MAGI1: variants seen among roughly 807,000 people sequenced by gnomAD.
The protein encoded by MAGI1 is membrane associated guanylate kinase, WW and PDZ domain containing 1, also known as membrane-associated guanylate kinase, WW and PDZ domain-containing protein 1.
In MAGI1, 58 loss-of-function variants were observed where a neutral mutation model predicts 139.9. That is an observed-to-expected ratio of 0.41 (90% CI 0.34 to 0.52). The LOEUF is 0.52. Among genes scored for constraint, MAGI1 ranks in the 20% least tolerant of loss-of-function variants. MAGI1 has a pLI of 0.12. For missense variants in MAGI1, 1,874 were observed against 1,901.6 expected, an observed-to-expected ratio of 0.99 and a Z score of 0.27; for synonymous variants, 812 against 737.9, an observed-to-expected ratio of 1.10 and a Z score of -1.63.
At position 65,354,766 on chromosome 3, in the gene MAGI1, T is replaced by C. The variant is rs1193052604; in HGVS notation, c.*1612A>G. The C allele has an allele frequency of 6.6e-6, 1 of 152,650 alleles. No homozygotes were observed. Among genetic ancestry groups the C allele is most frequent in the East Asian group, 1.9e-4 (1 of 5,198 alleles). The allele number at this position is 152,650 out of a possible 1,614,324, so 9.5% of individuals were successfully genotyped here. A position where few individuals can be genotyped will look rare whatever the true frequency, so the allele number is the denominator to read the frequency against. ...GTATCACATTCCTCACAGCTAAATT[T>C]TGTCATAAATTCTCTTTTATACAAG... On this transcript the variant is annotated 3_prime_UTR_variant, in exon 23 of 23. Coordinates refer to ENST00000402939, the MANE Select transcript of MAGI1 (RefSeq NM_001033057.2).
chr3:65,474,760 T>C (rs1950770758), intron 4 of MAGI1, among the ~76,000 whole-genome samples: 1 of 152,148 alleles, frequency 6.6e-6, no homozygotes, highest in Non-Finnish European at 1.5e-5. Context: ...TCCCACTGTG[T>C]ACAACCAATC....
At chr3:65,701,149 T>C (rs1305530099) in intron 1 of MAGI1, among the ~76,000 whole-genome samples, 1 of 152,098 alleles carries the variant, frequency 6.6e-6, no homozygotes, top group Admixed American at 6.6e-5. Context: ...ATTTTCACAA[T>C]AGCTCTGTAA....
chr3:66,027,272 AT>A (rs1306187375), intron 1 of MAGI1, among the ~76,000 whole-genome samples: 5 of 26,794 alleles, frequency 1.9e-4, no homozygotes, highest in South Asian at 9.6e-4. Context: ...TCTCAAATAA[AT>A]AAATAAATAA....
At chr3:65,872,754 C>A (rs1040622437) in intron 1 of MAGI1, 3 of 152,174 alleles carry the variant, frequency 2.0e-5, no homozygotes, top group Non-Finnish European at 4.4e-5. Context: ...TACTGACACA[C>A]ACAACACAAG....
chr3:65,623,501 C>T (rs550237180), intron 1 of MAGI1, among the ~76,000 whole-genome samples: 1 of 152,306 alleles, frequency 6.6e-6, no homozygotes, highest in South Asian at 2.1e-4. Context: ...GCTTCAATGA[C>T]AGCTAAAAAT....
At chr3:65,734,584 A>AGAGG (rs891163708) in intron 1 of MAGI1, among the ~76,000 whole-genome samples, 1 of 151,102 alleles carries the variant, frequency 6.6e-6, no homozygotes, top group Non-Finnish European at 1.5e-5. Context: ...AGAGAGAGAG[A>AGAGG]GAGGGAGAGA....
At chr3:66,001,864 C>A (rs145606064) in intron 1 of MAGI1, among the ~76,000 whole-genome samples, 25 of 152,150 alleles carry the variant, frequency 1.6e-4, no homozygotes, top group African/African-American at 5.5e-4. Flanking sequence ...TAGAAAAACA[C>A]GGAAGCTGAA....
chr3:65,444,954 A>C (rs761219711), intron 7 of MAGI1, among the ~76,000 whole-genome samples: 4 of 152,238 alleles, frequency 2.6e-5, no homozygotes, highest in Non-Finnish European at 5.9e-5. Flanking sequence ...ATCGATTTTA[A>C]ATAGGAAGAT....
At chr3:65,596,167 T>C (rs1188301560) in intron 2 of MAGI1, among the ~76,000 whole-genome samples, 2 of 152,208 alleles carry the variant, frequency 1.3e-5, no homozygotes, top group South Asian at 2.1e-4. Context: ...TTATAGATGA[T>C]AAAAGACAAG....
In MAGI1 at chr3:65,589,615, G is replaced by A. The variant is rs117650158; in HGVS notation, c.430+32357C>T. On this transcript the variant is annotated intron_variant, in intron 2 of 22. Transcript: ENST00000402939. Reference sequence around the variant, plus strand: ...GGGTTGGGAAATTTTTTCTGTCAAGGGTCAGATAATAAATAGAAAATAGGC... The same window carrying A: ...GGGTTGGGAAATTTTTTCTGTCAAGAGTCAGATAATAAATAGAAAATAGGC... Among the ~76,000 whole-genome samples the A allele has an allele frequency of 1.4e-4, 22 of 151,814 alleles. No homozygotes were observed. In the East Asian group the frequency reaches 4.3e-3, roughly 29 times the overall value.
intron 12 of MAGI1, among the ~76,000 whole-genome samples, chr3:65,407,192 A>G (rs1242654500): frequency 6.6e-6 from 1 of 152,186 alleles, no homozygotes; most frequent in Non-Finnish European, 1.5e-5. Flanking sequence ...CATTCCTGTA[A>G]TCCCAGCACT....
intron 1 of MAGI1, among the ~76,000 whole-genome samples, chr3:66,022,011 T>A (rs1242501057): frequency 6.6e-6 from 1 of 152,094 alleles, no homozygotes; most frequent in Non-Finnish European, 1.5e-5. Context: ...GACTGCAAAT[T>A]TCCCCCGCAG....
intron 1 of MAGI1, among the ~76,000 whole-genome samples, chr3:65,900,792 T>C (rs1232283931): frequency 6.6e-6 from 1 of 152,210 alleles, no homozygotes. Flanking sequence ...GGTGCAGACA[T>C]CTGACCTATT....
chr3:65,737,355 G>A (rs1274087958), intron 1 of MAGI1, among the ~76,000 whole-genome samples: 1 of 152,180 alleles, frequency 6.6e-6, no homozygotes, highest in East Asian at 1.9e-4. Context: ...ACGGACGGGT[G>A]GATGGATGGA....
At chr3:65,772,244 A>C (rs1163542209) in intron 1 of MAGI1, among the ~76,000 whole-genome samples, 2 of 152,188 alleles carry the variant, frequency 1.3e-5, no homozygotes, top group African/African-American at 4.8e-5. Flanking sequence ...TATTAGGCCC[A>C]ATCCCTTCCT....
rs779588733 is a variant in MAGI1 at position 65,627,485 on chromosome 3, C to CTTTTTTTTTTTTTTT, written c.314-5412_314-5398dup. On this transcript the variant is annotated intron_variant, in intron 1 of 22. Transcript: ENST00000402939. ...TTGCCGTTATTTTATATTTCTGTAT[C>CTTTTTTTTTTTTTTT]TTTTTTTTTTTTTTTTTTTTTTTTT... Among the ~76,000 whole-genome samples, 5 of 28,354 alleles carry CTTTTTTTTTTTTTTT rather than the reference C, an allele frequency of 1.8e-4. 1 individual carries two copies. The highest frequency in any genetic ancestry group is 2.8e-4 in the Non-Finnish European group (4 of 14,350). 18.6% of individuals were successfully genotyped at this position (28,354 alleles called of 152,430 possible). A position where few individuals can be genotyped will look rare whatever the true frequency, so the allele number is the denominator to read the frequency against.
chr3:66,029,097 G>A lies in MAGI1; in HGVS notation c.313+8899C>T, dbSNP rs373001421. Among the ~76,000 whole-genome samples, 10 of 152,242 alleles carry A rather than the reference G, an allele frequency of 6.6e-5. No homozygotes were observed. The East Asian group carries it at 1.7e-3, about 26-fold the overall frequency. Reference sequence around the variant, plus strand: ...CGAGGGGGAAACCTGGCACAAAGAGGTTCAGCATCTTGCCCCAGAACACCC... The same window carrying A: ...CGAGGGGGAAACCTGGCACAAAGAGATTCAGCATCTTGCCCCAGAACACCC... On this transcript the variant is annotated intron_variant, in intron 1 of 22. Coordinates refer to ENST00000402939, the MANE Select transcript of MAGI1 (RefSeq NM_001033057.2).
At chr3:65,868,235 A>C (rs1431674523) in intron 1 of MAGI1, among the ~76,000 whole-genome samples, 1 of 152,190 alleles carries the variant, frequency 6.6e-6, no homozygotes, top group Admixed American at 6.5e-5. Context: ...ATGATCCTGC[A>C]AACTGAGGAT....
intron 17 of MAGI1, among the ~76,000 whole-genome samples, chr3:65,378,627 ACT>A (rs1185183523): frequency 1.3e-5 from 2 of 149,094 alleles, no homozygotes. Flanking sequence ...AAAACTGTAG[ACT>A]CTGTATGCTG....
Sources: gnomAD v4.1 joint callset for allele counts (sites outside exome capture counted in the v4.1 genomes callset) on GRCh38, gnomAD v4.1.1 for gene constraint, MANE v1.5 for transcripts, NCBI Gene and HGNC (gene_info 2026-07-23, HGNC 2026-07-21) for gene names.